The following AIFM1 variants were observed in gnomAD, a reference collection of about 807,000 sequenced individuals.
AIFM1 encodes apoptosis-inducing factor 1, mitochondrial.
In AIFM1, 3 loss-of-function variants were observed where a neutral mutation model predicts 51.7. That is an observed-to-expected ratio of 0.06 (90% CI 0.03 to 0.15). AIFM1 has a LOEUF of 0.15. AIFM1 is among the 10% of genes least tolerant of loss of function. The pLI, the probability that AIFM1 is intolerant of heterozygous loss-of-function variation, is 1.00. For synonymous variants in AIFM1, 178 were observed against 179.4 expected (o/e 0.99, Z 0.06); for missense variants, 330 against 476.8 (o/e 0.69, Z 2.87).
intron 2 of AIFM1, among the ~76,000 whole-genome samples, chrX:130,152,009 A>T (rs1436007552): frequency 9.0e-6 from 1 of 110,524 alleles, no homozygotes; most frequent in Non-Finnish European, 1.9e-5. Context: ...ACTGCACTCC[A>T]GCCTGGGCGA....
At chrX:130,138,788 G>A (rs2030470788) in intron 8 of AIFM1, 87 bp from the exon 9 acceptor site, 3 of 656,091 alleles carry the variant, frequency 4.6e-6, no homozygotes, top group African/African-American at 2.2e-5. Flanking sequence ...TAAATCTTTG[G>A]CAAAAGTAAA....
intron 6 of AIFM1, among the ~76,000 whole-genome samples, chrX:130,143,846 CA>C (rs1320285868): frequency 2.8e-4 from 28 of 100,247 alleles, no homozygotes; most frequent in Admixed American, 1.4e-3. Flanking sequence ...GAATCTGTCT[CA>C]AAAAAAAAAA....
intron 1 of AIFM1, among the ~76,000 whole-genome samples, chrX:130,159,620 TTTC>T (rs1171139494): frequency 1.8e-5 from 2 of 110,751 alleles, no homozygotes; most frequent in Non-Finnish European, 3.8e-5. Context: ...TGTTTTTGTT[TTTC>T]TTTTTTTTAA....
rs757714042 is a variant in AIFM1, at chrX:130,147,768, C to T, written c.458G>A (p.Arg153Gln). The change falls in exon 4 of 16, where the codon CGG becomes CAG. Residue 153 changes from arginine (R) to glutamine (Q), a missense_variant. Arg to Gln is a conservative substitution (Grantham distance 43). Coordinates refer to ENST00000287295, the MANE Select transcript of AIFM1 (RefSeq NM_004208.4). ...AFAAARSIRA[R>Q]DPGARVLIVS... ...GCACCTTACCCTGGCCCCAGGATCC[C>T]GAGCCCGGATGGATCTGGCTGCAGC... is the stretch of plus-strand genomic sequence containing the variant. 7 of 1,210,555 alleles carry T rather than the reference C, an allele frequency of 5.8e-6. No individual in the cohort carries two copies. Among genetic ancestry groups the T allele is most frequent in the East Asian group, 3.0e-5 (1 of 33,796 alleles).
chrX:130,148,380 A>G (rs2030830117), intron 3 of AIFM1, among the ~76,000 whole-genome samples: 1 of 111,840 alleles, frequency 8.9e-6, no homozygotes, highest in African/African-American at 3.3e-5. Context: ...GGGCTTATTA[A>G]AGGATTAAAA....
rs563808992 is a variant in AIFM1 at position 130,161,295 on chromosome X, G to A, written c.106+4256C>T. Among the ~76,000 whole-genome samples the A allele has an allele frequency of 1.3e-3, 141 of 110,026 alleles. 1 individual carries two copies. The highest frequency in any genetic ancestry group is 0.012 in the South Asian group (30 of 2,517). On this transcript the variant is annotated intron_variant, in intron 1 of 15. Coordinates refer to ENST00000287295, the MANE Select transcript of AIFM1 (RefSeq NM_004208.4). ...TGGGAGGCCGAGGTGGGCGGATCAC[G>A]AGGTCAGGAGTTCGAGACCAGCCTG...
rs374163852 is a variant in AIFM1 at position 130,133,336 on chromosome X, C to T, written c.1425G>A (p.Pro475=). The T allele has an allele frequency of 1.2e-5, 15 of 1,209,008 alleles. No homozygotes were observed. The highest frequency in any genetic ancestry group is 7.0e-5 in the African/African-American group (4 of 56,849). ...AGENMTGAAK[P]YWHQSMFWSD... ...ACCAGAACATTGACTGATGCCAGTA[C>T]GGCTTAGCAGCTCCAGTCATATTTT... Residue 475 remains proline, a synonymous_variant, in exon 13 of 16, where the codon CCG becomes CCA. Coordinates refer to ENST00000287295, the MANE Select transcript of AIFM1 (RefSeq NM_004208.4).
chrX:130,133,169 T>C (rs1446508094), intron 13 of AIFM1, 144 bp downstream of exon 13: 2 of 725,082 alleles, frequency 2.8e-6, no homozygotes, highest in Middle Eastern at 4.5e-4. Flanking sequence ...TACCTGAGGG[T>C]AGAATGTGTG....
intron 2 of AIFM1, among the ~76,000 whole-genome samples, chrX:130,154,332 A>G (rs1393165662): frequency 8.9e-6 from 1 of 112,348 alleles, no homozygotes; most frequent in East Asian, 2.8e-4. Context: ...CAACTCTGGT[A>G]CAGCAACACG....
At chrX:130,150,437 G>A (rs1212131138) in intron 2 of AIFM1, among the ~76,000 whole-genome samples, 9 of 92,819 alleles carry the variant, frequency 9.7e-5, no homozygotes, top group Middle Eastern at 5.8e-3. Flanking sequence ...CCGGGTTCAC[G>A]CCATTCTCCT....
In AIFM1 at chrX:130,161,609, C is replaced by CT. The variant is rs1224200767; in HGVS notation, c.106+3941dup. On this transcript the variant is annotated intron_variant, in intron 1 of 15. Transcript: ENST00000287295. Reference sequence around the variant, plus strand: ...AGGGATCCAACAACTATTTATCAGCCTTTTTTTTTTTTTTTTGAGACAGAT... The same window carrying CT: ...AGGGATCCAACAACTATTTATCAGCCTTTTTTTTTTTTTTTTTGAGACAGAT... Among the ~76,000 whole-genome samples the CT allele has an allele frequency of 5.5e-3, 526 of 96,485 alleles. 4 individuals carry two copies. Among genetic ancestry groups the CT allele is most frequent in the African/African-American group, 0.014 (366 of 26,726 alleles). 83.8% of individuals were successfully genotyped at this position (96,485 alleles called of 115,157 possible).
intron 6 of AIFM1, among the ~76,000 whole-genome samples, chrX:130,142,531 A>T (rs2030616248): frequency 2.7e-5 from 3 of 111,435 alleles, no homozygotes; most frequent in Admixed American, 1.9e-4. Flanking sequence ...AATAGGTCCC[A>T]CCTTTGATTC....
At chrX:130,138,730 A>G in intron 8 of AIFM1, 29 bp from the exon 9 acceptor site, 1 of 1,043,495 alleles carries the variant, frequency 9.6e-7, no homozygotes, top group Non-Finnish European at 1.3e-6. Flanking sequence ...TTAGTCCATT[A>G]ATTTCCAAAA....
In AIFM1 at chrX:130,145,583, A is replaced by T; in HGVS notation, c.606-14T>A. 2.7e-6 allele frequency: 3 copies of T among 1,127,768 alleles called. No individual in the cohort carries two copies. Among genetic ancestry groups the T allele is most frequent in the Non-Finnish European group, 3.7e-6 (3 of 819,465 alleles). 92.9% of individuals were successfully genotyped at this position (1,127,768 alleles called of 1,213,427 possible). A position where few individuals can be genotyped will look rare whatever the true frequency, so the allele number is the denominator to read the frequency against. ...TGGAAATATATGCTGTATGGAGAAG[A>T]GAGGGAGAATATTATAAGCATGTGG... is the stretch of plus-strand genomic sequence containing the variant. On this transcript the variant is annotated splice_polypyrimidine_tract_variant and intron_variant, in intron 5 of 15. Transcript: ENST00000287295.
chrX:130,140,386 G>T, intron 7 of AIFM1, 147 bp downstream of exon 7: 1 of 538,666 alleles, frequency 1.9e-6, no homozygotes, highest in African/African-American at 2.2e-5. Context: ...CTTTGACACA[G>T]CCAGCTTTTG....
At chrX:130,145,656 T>A (rs2030724530) in intron 5 of AIFM1, 87 bp from the exon 6 acceptor site, 2 of 762,517 alleles carry the variant, frequency 2.6e-6, no homozygotes, top group Admixed American at 5.0e-5. Context: ...GTTTCCATTA[T>A]CAGAAACTTT....
rs778142604 is a variant in AIFM1, at chrX:130,133,423, C to T, written c.1338G>A (p.Lys446=). 5 of 1,210,332 alleles carry T rather than the reference C, an allele frequency of 4.1e-6. No individual in the cohort carries two copies. Among genetic ancestry groups the T allele is most frequent in the South Asian group, 1.8e-5 (1 of 56,914 alleles). Residue 446 remains lysine, a synonymous_variant, in exon 13 of 16, where the codon AAG becomes AAA. Transcript: ENST00000287295. The part of the protein sequence containing the change: ...AGDAACFYDI[K]LGRRRVEHHD... ...GGTGCTCTACCCGCCTCCTTCCCAA[C>T]TTTATATCGTAGAAGCATGCAGCAT...
intron 1 of AIFM1, among the ~76,000 whole-genome samples, chrX:130,164,733 T>C (rs1170647159): frequency 1.8e-5 from 2 of 111,705 alleles, no homozygotes; most frequent in African/African-American, 6.5e-5. Context: ...GGAAGCAGTA[T>C]GGAGTTGCAG....
At chrX:130,137,278 C>T in intron 9 of AIFM1, 93 bp from the exon 10 acceptor site, 7 of 1,202,139 alleles carry the variant, frequency 5.8e-6, no homozygotes, top group Non-Finnish European at 7.8e-6. Flanking sequence ...GCAGCCCTCA[C>T]TACAGACAGG....
Sources: gnomAD v4.1 joint callset for allele counts (sites outside exome capture counted in the v4.1 genomes callset) on GRCh38, gnomAD v4.1.1 for gene constraint, MANE v1.5 for transcripts, NCBI Gene and HGNC (gene_info 2026-07-23, HGNC 2026-07-21) for gene names.